The following ENTREP2 variants were observed in gnomAD, a reference collection of about 807,000 sequenced individuals.
ENTREP2 encodes the protein endosomal transmembrane epsin interactor 2, also known as protein ENTREP2.
the ENTREP2 span, among the ~76,000 whole-genome samples, chr15:29,366,159 C>T: frequency 2.6e-5 from 4 of 152,118 alleles, no homozygotes; most frequent in South Asian, 2.1e-4. Context: ...CTGCAACCTC[C>T]GCCTCCCAGG....
At chr15:29,621,075 C>G in the ENTREP2 span, among the ~76,000 whole-genome samples, 1 of 152,160 alleles carries the variant, frequency 6.6e-6, no homozygotes, top group African/African-American at 2.4e-5. Context: ...ATGGCGCTGG[C>G]AGTAGTTGCT....
chr15:29,626,606 T>A, the ENTREP2 span, among the ~76,000 whole-genome samples: 1 of 152,254 alleles, frequency 6.6e-6, no homozygotes, highest in African/African-American at 2.4e-5. Context: ...ATTTTTTACC[T>A]AATCAGGTCA....
At chr15:29,442,644 G>A in the ENTREP2 span, among the ~76,000 whole-genome samples, 9 of 152,218 alleles carry the variant, frequency 5.9e-5, no homozygotes, top group African/African-American at 1.9e-4. Flanking sequence ...TCATTCCCTC[G>A]AGAGCCCACC....
chr15:29,261,929 AAAAG>A, the ENTREP2 span, among the ~76,000 whole-genome samples: 2 of 151,734 alleles, frequency 1.3e-5, no homozygotes, highest in Non-Finnish European at 2.9e-5. Context: ...AATAAAAAAA[AAAAG>A]AACCACTAAG....
chr15:29,124,770 G>A, the ENTREP2 span: 36 of 1,549,838 alleles, frequency 2.3e-5, no homozygotes, highest in Non-Finnish European at 4.4e-6. Flanking sequence ...GCCTTAACCA[G>A]AAGGAGAATT....
the ENTREP2 span, among the ~76,000 whole-genome samples, chr15:29,587,370 G>C: frequency 6.6e-6 from 1 of 152,032 alleles, no homozygotes. Context: ...TGTTATACTA[G>C]AGCGATGACA....
chr15:29,487,292 AC>A, the ENTREP2 span, among the ~76,000 whole-genome samples: 1 of 152,124 alleles, frequency 6.6e-6, no homozygotes, highest in Non-Finnish European at 1.5e-5. Context: ...GCCTGAGAAG[AC>A]CCCAGTCTTT....
At chr15:29,141,993 G>A in the ENTREP2 span, among the ~76,000 whole-genome samples, 1 of 152,206 alleles carries the variant, frequency 6.6e-6, no homozygotes, top group South Asian at 2.1e-4. Flanking sequence ...GACAGGAAGA[G>A]CTGCTCGTTC....
chr15:29,136,380 G>T, the ENTREP2 span: 6 of 1,509,670 alleles, frequency 4.0e-6, no homozygotes, highest in Non-Finnish European at 4.4e-6. Context: ...CTGGCAGGGG[G>T]CTGGCCCACC....
the ENTREP2 span, among the ~76,000 whole-genome samples, chr15:29,383,822 G>A: frequency 2.6e-5 from 4 of 152,076 alleles, no homozygotes; most frequent in Non-Finnish European, 5.9e-5. Flanking sequence ...CGCACACCAG[G>A]GCTCTGCTCC....
the ENTREP2 span, among the ~76,000 whole-genome samples, chr15:29,160,119 C>A: frequency 6.6e-6 from 1 of 152,224 alleles, no homozygotes; most frequent in East Asian, 1.9e-4. Flanking sequence ...GCTGCTGGCC[C>A]AGGTGCTAAG....
At chr15:29,136,248 G>T in the ENTREP2 span, 2 of 1,145,898 alleles carry the variant, frequency 1.7e-6, no homozygotes, top group Non-Finnish European at 2.3e-6. Context: ...GCTCATGAGT[G>T]TTCACCTCAC....
the ENTREP2 span, among the ~76,000 whole-genome samples, chr15:29,292,638 C>T: frequency 1.3e-5 from 2 of 152,202 alleles, no homozygotes; most frequent in Non-Finnish European, 2.9e-5. Context: ...TGCTCGGCCT[C>T]CCAAAGTGCT....
the ENTREP2 span, among the ~76,000 whole-genome samples, chr15:29,598,746 G>C: frequency 1.3e-5 from 2 of 151,864 alleles, no homozygotes; most frequent in Non-Finnish European, 2.9e-5. Flanking sequence ...GCCCAGGCTG[G>C]AGTGCAGTGG....
chr15:29,323,333 A>G, the ENTREP2 span, among the ~76,000 whole-genome samples: 1 of 152,128 alleles, frequency 6.6e-6, no homozygotes, highest in African/African-American at 2.4e-5. Flanking sequence ...TACACAATGA[A>G]GCCTCGATAA....
chr15:29,640,327 T>C, the ENTREP2 span, among the ~76,000 whole-genome samples: 30 of 152,070 alleles, frequency 2.0e-4, no homozygotes, highest in African/African-American at 6.8e-4. Context: ...ATAGAAGATA[T>C]AAATAGTCAT....
the ENTREP2 span, among the ~76,000 whole-genome samples, chr15:29,146,422 C>T: frequency 6.6e-6 from 1 of 152,148 alleles, no homozygotes. Flanking sequence ...CTACAGCAAT[C>T]GAAACCATGT....
At chr15:29,123,744 T>A in the ENTREP2 span, 3 of 1,342,620 alleles carry the variant, frequency 2.2e-6, no homozygotes, top group Non-Finnish European at 3.0e-6. Context: ...GGGAGGAGCC[T>A]CCTGCTGGGG....
At chr15:29,247,155 A>G in the ENTREP2 span, among the ~76,000 whole-genome samples, 1 of 152,164 alleles carries the variant, frequency 6.6e-6, no homozygotes, top group Non-Finnish European at 1.5e-5. Flanking sequence ...ACACAAACAT[A>G]TGGAAATGTA....
Sources: gnomAD v4.1 joint callset for allele counts (sites outside exome capture counted in the v4.1 genomes callset) on GRCh38, gnomAD v4.1.1 for gene constraint, MANE v1.5 for transcripts, NCBI Gene and HGNC (gene_info 2026-07-23, HGNC 2026-07-21) for gene names.